The following KCNH4 variants were observed in gnomAD, a reference collection of about 807,000 sequenced individuals.
KCNH4 encodes the protein potassium voltage-gated channel subfamily H member 4, also known as voltage-gated delayed rectifier potassium channel KCNH4.
KCNH4 carries 33 observed loss-of-function variants against 90.7 expected under a neutral mutation model. The observed-to-expected ratio is 0.36, with a 90% CI of 0.28 to 0.49. The LOEUF (loss-of-function observed/expected upper bound fraction) is 0.49. KCNH4 is among the 20% of genes least tolerant of loss of function. The pLI is 0.98. For synonymous variants in KCNH4, 551 were observed against 581.7 expected (o/e 0.95, Z 0.76); for missense variants, 1,044 against 1,387.1 (o/e 0.75, Z 3.93).
Position 42,180,795 on chromosome 17 carries a change from C to A in KCNH4, c.76+75G>T. 1 of 1,447,128 alleles carries A rather than the reference C, an allele frequency of 6.9e-7. No individual in the cohort carries two copies. The highest frequency in any genetic ancestry group is 1.2e-5 in the South Asian group (1 of 86,890). 89.6% of individuals were successfully genotyped at this position (1,447,128 alleles called of 1,614,324 possible). On this transcript the variant is annotated intron_variant, in intron 1 of 16. Coordinates refer to ENST00000264661, the MANE Select transcript of KCNH4 (RefSeq NM_012285.3). The surrounding 1 kb of genome is among the most constrained non-coding windows in gnomAD (Gnocchi z 4.7). ...CCCTCGCCTCGGGTCTCACCATGTC[C>A]AGGAGATCCGAGACGGCCCCGAGGA... is the stretch of plus-strand genomic sequence containing the variant.
intron 15 of KCNH4, among the ~76,000 whole-genome samples, chr17:42,160,981 C>T (rs1332095457): frequency 1.7e-5 from 2 of 119,004 alleles, no homozygotes; most frequent in African/African-American, 6.7e-5. Flanking sequence ...GGCTGGAGTG[C>T]AATGGCGCGA....
chr17:42,167,555 C>T (rs1357056454), intron 9 of KCNH4, among the ~76,000 whole-genome samples: 4 of 152,168 alleles, frequency 2.6e-5, no homozygotes, highest in East Asian at 3.9e-4. Context: ...TATGAGCCAC[C>T]GCACCCAGCC....
chr17:42,169,491 T>C lies in KCNH4; in HGVS notation c.1576A>G (p.Ile526Val), dbSNP rs1364836722. The C allele has an allele frequency of 2.2e-5, 35 of 1,613,024 alleles. No individual in the cohort carries two copies. The highest frequency in any genetic ancestry group is 2.9e-5 in the Non-Finnish European group (34 of 1,179,974). ...CTGCAGGCTACCTCGTTGGCGTCGA[T>C]GCCGCTGTTGACGGCCCACGTGGTC... is the stretch of plus-strand genomic sequence containing the variant. ...FQTTWAVNSG[I>V]DANELLRDFP... The change falls in exon 9 of 17, where the codon ATC becomes GTC. Residue 526 changes from isoleucine to valine, a missense_variant. Ile to Val is a conservative substitution (Grantham distance 29). Around this residue, in one of 4 missense-constraint regions of KCNH4, gnomAD observed 318 missense variants for 479.6 expected, o/e 0.66. Coordinates refer to ENST00000264661, the MANE Select transcript of KCNH4 (RefSeq NM_012285.3).
intron 9 of KCNH4, among the ~76,000 whole-genome samples, chr17:42,168,172 T>G (rs1191004112): frequency 6.6e-6 from 1 of 152,164 alleles, no homozygotes; most frequent in East Asian, 1.9e-4. Context: ...TCTGTTCATC[T>G]TTCTGCCTCC....
In KCNH4 at chr17:42,176,267, C is replaced by A; in HGVS notation, c.616G>T (p.Glu206Ter). 3.1e-6 allele frequency: 5 copies of A among 1,602,020 alleles called. No individual in the cohort carries two copies. The highest frequency in any genetic ancestry group is 4.3e-6 in the Non-Finnish European group (5 of 1,174,292). Residue 206 changes from glutamate to a stop codon, truncating the protein, a stop_gained, in exon 5 of 17, where the codon GAG (glutamate) becomes TAG (stop). Coordinates refer to ENST00000264661, the MANE Select transcript of KCNH4 (RefSeq NM_012285.3). LOFTEE classifies it high-confidence loss of function. ...NVFEPKPSVP[E>*]YKVASVGGSR... ...CCCCCCACGGAGGCCACCTTGTACT[C>A]GGGCACTGATGGCTTTGGCTCAAAC...
At chr17:42,157,613 GT>G (rs765622098) in intron 16 of KCNH4, among the ~76,000 whole-genome samples, 2 of 151,970 alleles carry the variant, frequency 1.3e-5, no homozygotes, top group African/African-American at 2.4e-5. Context: ...GGTTTTTTTT[GT>G]TTTGTTTTGT....
At chr17:42,177,075 G>A (rs2079867218) in intron 4 of KCNH4, among the ~76,000 whole-genome samples, 1 of 150,184 alleles carries the variant, frequency 6.7e-6, no homozygotes, top group African/African-American at 2.5e-5. Context: ...TTTTTTGAGA[G>A]TTTCACTCTT....
intron 5 of KCNH4, 75 bp downstream of exon 5, chr17:42,175,979 C>T: frequency 6.6e-7 from 1 of 1,505,518 alleles, no homozygotes; most frequent in Non-Finnish European, 9.0e-7. Context: ...CATGTGGGCC[C>T]CAGGAGTGGG....
intron 7 of KCNH4, among the ~76,000 whole-genome samples, chr17:42,171,340 G>A (rs903482642): frequency 2.0e-5 from 3 of 152,052 alleles, no homozygotes; most frequent in African/African-American, 7.3e-5. Flanking sequence ...AGGAAAGGGA[G>A]GTGTCAGGGA....
chr17:42,165,647 C>T lies in KCNH4; in HGVS notation c.1887G>A (p.Glu629=). 1 of 1,614,206 alleles carries T rather than the reference C, an allele frequency of 6.2e-7. No individual in the cohort carries two copies. ...AGTTTGGGTCTGCTCCCAACCCAGG[C>T]TCCTGCCCCGGCTCAGGGATATCTG... is the stretch of plus-strand genomic sequence containing the variant. The part of the protein sequence containing the change: ...IGADIPEPGQ[E]PGLGADPNFV... Residue 629 remains glutamate, a synonymous_variant, in exon 11 of 17, where the codon GAG becomes GAA. Coordinates refer to ENST00000264661, the MANE Select transcript of KCNH4 (RefSeq NM_012285.3).
intron 3 of KCNH4, 42 bp downstream of exon 3, chr17:42,178,289 G>C: frequency 6.2e-7 from 1 of 1,614,132 alleles, no homozygotes. Flanking sequence ...GTTAGGCGAA[G>C]GCTTCTGACC....
chr17:42,175,303 A>G (rs903317708), intron 6 of KCNH4, among the ~76,000 whole-genome samples: 2 of 152,198 alleles, frequency 1.3e-5, no homozygotes, highest in Non-Finnish European at 2.9e-5. Flanking sequence ...AGTACCACTC[A>G]TTTGGCATCA....
At chr17:42,166,695 A>G (rs2079790696) in intron 9 of KCNH4, 149 bp from the exon 10 acceptor site, 1 of 1,025,840 alleles carries the variant, frequency 9.7e-7, no homozygotes, top group Non-Finnish European at 1.4e-6. Flanking sequence ...CTCTGTGTCT[A>G]ACCTCAATTT....
chr17:42,163,187 G>T lies in KCNH4; in HGVS notation c.2584+41C>A. 1 of 1,324,096 alleles carries T rather than the reference G, an allele frequency of 7.6e-7. No individual in the cohort carries two copies. The highest frequency in any genetic ancestry group is 1.1e-6 in the Non-Finnish European group (1 of 915,398). 82.0% of individuals were successfully genotyped at this position (1,324,096 alleles called of 1,614,324 possible). A position where few individuals can be genotyped will look rare whatever the true frequency, so the allele number is the denominator to read the frequency against. On this transcript the variant is annotated intron_variant, in intron 14 of 16. Coordinates refer to ENST00000264661, the MANE Select transcript of KCNH4 (RefSeq NM_012285.3). This position sits in a 1 kb window ranked among gnomAD's most constrained non-coding sequence, Gnocchi z 5.4. Reference sequence around the variant, plus strand: ...ATGGGATGGATGGACAGGTGGATGGGCAGATGGATGACGGGGTTGAAGTCC... The same window carrying T: ...ATGGGATGGATGGACAGGTGGATGGTCAGATGGATGACGGGGTTGAAGTCC...
chr17:42,169,375 C>T lies in KCNH4; in HGVS notation c.1590+102G>A, dbSNP rs1168851163. On this transcript the variant is annotated intron_variant, in intron 9 of 16. Coordinates refer to ENST00000264661, the MANE Select transcript of KCNH4 (RefSeq NM_012285.3). The stretch of plus-strand genomic sequence containing the variant: ...GATTACAGGTGTGAGCAGCCGAGTT[C>T]GGCCTGCCTCCATTTTAAGCTACAG... 48 of 1,121,850 alleles carry T rather than the reference C, an allele frequency of 4.3e-5. No homozygotes were observed. The South Asian group carries it at 4.8e-4, about 11-fold the overall frequency. The allele number at this position is 1,121,850 out of a possible 1,614,324, so 69.5% of individuals were successfully genotyped here.
chr17:42,172,738 T>C (rs1039987609), intron 6 of KCNH4, among the ~76,000 whole-genome samples: 6 of 151,966 alleles, frequency 3.9e-5, no homozygotes, highest in African/African-American at 1.4e-4. Context: ...CAGTCCACCT[T>C]GTGCTCTACA....
intron 16 of KCNH4, among the ~76,000 whole-genome samples, chr17:42,158,208 G>T (rs540146214): frequency 6.6e-6 from 1 of 151,246 alleles, no homozygotes; most frequent in Non-Finnish European, 1.5e-5. Context: ...GATTACAGGC[G>T]TGAGCCACCA....
chr17:42,164,046 C>A (rs1338532250), intron 12 of KCNH4, 84 bp downstream of exon 12: 127 of 1,513,358 alleles, frequency 8.4e-5, no homozygotes, highest in Non-Finnish European at 1.1e-4. Context: ...GGATGCAGCT[C>A]CCCATCCATG....
At chr17:42,173,457 G>A (rs28546897) in intron 6 of KCNH4, among the ~76,000 whole-genome samples, 4,695 of 152,070 alleles carry the variant, frequency 0.031, 228 homozygotes, top group African/African-American at 0.11. Context: ...GCTGCCCTTG[G>A]GCCACTCTCT....
Sources: allele counts gnomAD v4.1 joint callset (sites outside exome capture counted in the v4.1 genomes callset), GRCh38; gene constraint gnomAD v4.1.1; regional missense constraint gnomAD v4.1.1; non-coding constraint Gnocchi (gnomAD v3.1); transcripts MANE v1.5; gene names NCBI Gene and HGNC (gene_info 2026-07-23, HGNC 2026-07-21).